CNTNAP2: variants seen among roughly 807,000 people sequenced by gnomAD.
CNTNAP2 encodes the protein contactin associated protein 2, also known as contactin-associated protein-like 2.
CNTNAP2 carries 98 observed loss-of-function variants against 155.2 expected under a neutral mutation model. That is an observed-to-expected ratio of 0.63 (90% confidence interval 0.54 to 0.75). The LOEUF is 0.75. Among genes scored for constraint, CNTNAP2 ranks in the 30% least tolerant of loss-of-function variants. The pLI is 0.00. For synonymous variants in CNTNAP2, 651 were observed against 631.2 expected (o/e 1.03, Z -0.47); for missense variants, 1,727 against 1,688.1 (o/e 1.02, Z -0.40).
chr7:146,955,555 G>T (rs1797415806), intron 3 of CNTNAP2, among the ~76,000 whole-genome samples: 1 of 151,782 alleles, frequency 6.6e-6, no homozygotes, highest in Admixed American at 6.6e-5. Context: ...CATAGAAAAT[G>T]GTATCATTTA....
Position 147,491,303 on chromosome 7 carries a change from C to T in CNTNAP2, c.1777+5262C>T, listed in dbSNP as rs371830324. Among the ~76,000 whole-genome samples, 30 of 152,118 alleles carry T rather than the reference C, an allele frequency of 2.0e-4. 2 individuals are homozygous for T. The highest frequency in any genetic ancestry group is 7.2e-4 in the African/African-American group (30 of 41,484). On this transcript the variant is annotated intron_variant, in intron 11 of 23. Transcript: ENST00000361727. ...CATGCCCTGCACTCTCATACCCTTG[C>T]CCCTCCTATACCACGACCCCCCACC... is the stretch of plus-strand genomic sequence containing the variant.
intron 9 of CNTNAP2, among the ~76,000 whole-genome samples, chr7:147,346,143 A>ATTTTT (rs1219413581): frequency 9.5e-5 from 1 of 10,472 alleles, no homozygotes. Context: ...ATTTTATTTT[A>ATTTTT]TTTTATTTTA....
chr7:148,411,245 G>T (rs1799830700), intron 23 of CNTNAP2, among the ~76,000 whole-genome samples: 1 of 152,000 alleles, frequency 6.6e-6, no homozygotes. Context: ...ATCTATAAGT[G>T]TAACAAGTCC....
intron 1 of CNTNAP2, among the ~76,000 whole-genome samples, chr7:146,652,294 G>A (rs1206304435): frequency 6.6e-6 from 1 of 152,122 alleles, no homozygotes; most frequent in Non-Finnish European, 1.5e-5. Flanking sequence ...ATGACACAAT[G>A]AATTTATCAA....
intron 1 of CNTNAP2, among the ~76,000 whole-genome samples, chr7:146,565,563 C>G (rs191690977): frequency 7.9e-5 from 12 of 152,212 alleles, no homozygotes; most frequent in Admixed American, 4.6e-4. Flanking sequence ...AAGTGATTTG[C>G]TTTTTGAAAA....
intron 16 of CNTNAP2, among the ~76,000 whole-genome samples, chr7:148,139,201 A>G (rs1805013929): frequency 6.6e-6 from 1 of 152,236 alleles, no homozygotes; most frequent in South Asian, 2.1e-4. Context: ...GAATTTCCAG[A>G]AGACTTCAAA....
chr7:147,595,436 A>G (rs1332813012), intron 12 of CNTNAP2, among the ~76,000 whole-genome samples: 2 of 152,108 alleles, frequency 1.3e-5, no homozygotes, highest in African/African-American at 4.8e-5. Flanking sequence ...TATAAATGTT[A>G]CTCTATCCAA....
chr7:147,036,044 G>T (rs1049586978), intron 3 of CNTNAP2, among the ~76,000 whole-genome samples: 1 of 152,126 alleles, frequency 6.6e-6, no homozygotes, highest in East Asian at 1.9e-4. Flanking sequence ...TGTCTAACTT[G>T]CAAGAAAGAT....
chr7:147,951,919 C>T (rs189927858), intron 14 of CNTNAP2, among the ~76,000 whole-genome samples: 245 of 150,652 alleles, frequency 1.6e-3, no homozygotes, highest in Non-Finnish European at 3.0e-3. Context: ...ACATGTATCC[C>T]GGAACTTAAA....
chr7:146,340,029 C>A (rs1026479583), intron 1 of CNTNAP2, among the ~76,000 whole-genome samples: 2 of 151,792 alleles, frequency 1.3e-5, no homozygotes, highest in African/African-American at 2.4e-5. Flanking sequence ...ATTAGCCGGG[C>A]ATGGTGGTGG....
intron 9 of CNTNAP2, among the ~76,000 whole-genome samples, chr7:147,392,591 A>C (rs768078141): frequency 1.2e-4 from 19 of 152,026 alleles, no homozygotes; most frequent in Non-Finnish European, 2.1e-4. Context: ...CCCACTTATG[A>C]GTGAGAACAT....
chr7:148,105,598 A>AT (rs1257751865), intron 15 of CNTNAP2, among the ~76,000 whole-genome samples: 20 of 144,688 alleles, frequency 1.4e-4, no homozygotes, highest in Admixed American at 1.0e-3. Flanking sequence ...TTTTTTTTTT[A>AT]TTTTTTTGTG....
At position 148,415,925 on chromosome 7, in the gene CNTNAP2, G is replaced by GC; in HGVS notation, c.*309_*310insC. ...TGTCTTATTTTGTGTGTGTTTAGAG[G>GC]TGTTCTAAAGACCCGTGGTAACAGG... On this transcript the variant is annotated 3_prime_UTR_variant, in exon 24 of 24. Transcript: ENST00000361727. The GC allele has an allele frequency of 2.4e-6, 1 of 420,850 alleles. No individual in the cohort carries two copies. The highest frequency in any genetic ancestry group is 2.0e-5 in the African/African-American group (1 of 50,160). 26.1% of individuals were successfully genotyped at this position (420,850 alleles called of 1,614,324 possible).
chr7:148,273,995 T>C (rs1335137517), intron 21 of CNTNAP2, among the ~76,000 whole-genome samples: 1 of 152,062 alleles, frequency 6.6e-6, no homozygotes, highest in African/African-American at 2.4e-5. Flanking sequence ...TCTTCATTTG[T>C]TGGTGAAATC....
intron 15 of CNTNAP2, among the ~76,000 whole-genome samples, chr7:147,980,860 G>A (rs776759625): frequency 8.0e-5 from 12 of 150,336 alleles, no homozygotes; most frequent in Non-Finnish European, 1.5e-4. Context: ...GAACCTGGGA[G>A]GCGGAGCTTG....
At chr7:147,263,235 G>T (rs987589642) in intron 8 of CNTNAP2, among the ~76,000 whole-genome samples, 1 of 151,904 alleles carries the variant, frequency 6.6e-6, no homozygotes, top group Admixed American at 6.6e-5. Flanking sequence ...ACATGCCTGT[G>T]GTCCCAGCTA....
At chr7:146,736,884 A>G (rs1801629423) in intron 1 of CNTNAP2, among the ~76,000 whole-genome samples, 1 of 152,176 alleles carries the variant, frequency 6.6e-6, no homozygotes, top group Non-Finnish European at 1.5e-5. Context: ...TAATGACTTT[A>G]GGAAATATCT....
chr7:146,524,774 G>A (rs1797663778), intron 1 of CNTNAP2, among the ~76,000 whole-genome samples: 1 of 152,038 alleles, frequency 6.6e-6, no homozygotes, highest in Non-Finnish European at 1.5e-5. Context: ...ATGTAATTAT[G>A]ACACCTTTTT....
At chr7:148,404,845 C>T (rs1799661586) in intron 22 of CNTNAP2, among the ~76,000 whole-genome samples, 1 of 152,166 alleles carries the variant, frequency 6.6e-6, no homozygotes, top group Non-Finnish European at 1.5e-5. Context: ...CAGTCATCCT[C>T]AGCGAAACTG....
Sources: gnomAD v4.1 joint callset for allele counts (sites outside exome capture counted in the v4.1 genomes callset) on GRCh38, gnomAD v4.1.1 for gene constraint, MANE v1.5 for transcripts, NCBI Gene and HGNC (gene_info 2026-07-23, HGNC 2026-07-21) for gene names.